UTRN: variants seen among roughly 807,000 people sequenced by gnomAD.
The protein encoded by UTRN is utrophin.
A neutral mutation model predicts 463.9 loss-of-function variants in UTRN; 283 were observed. That is an observed-to-expected ratio of 0.61 (90% confidence interval 0.55 to 0.67). The LOEUF is 0.67. UTRN is among the 30% of genes least tolerant of loss of function. The probability of loss-of-function intolerance (pLI) is 0.00; values close to 1 mark genes in which losing one functional copy is unlikely to be tolerated. For synonymous variants in UTRN, 1,442 were observed against 1,431.5 expected (o/e 1.01, Z -0.17); for missense variants, 3,922 against 4,084.3 (o/e 0.96, Z 1.08).
chr6:144,642,216 A>C (rs2128662002), intron 51 of UTRN, among the ~76,000 whole-genome samples: 1 of 152,318 alleles, frequency 6.6e-6, no homozygotes, highest in South Asian at 2.1e-4. Flanking sequence ...ATGAGCCAGC[A>C]AAATTAACAG....
chr6:144,454,190 G>T (rs1457362686), intron 19 of UTRN, among the ~76,000 whole-genome samples: 1 of 152,122 alleles, frequency 6.6e-6, no homozygotes, highest in Non-Finnish European at 1.5e-5. Flanking sequence ...TTGGGAATTT[G>T]TTTGCAGGGT....
chr6:144,392,848 C>T (rs1293110843), intron 2 of UTRN, among the ~76,000 whole-genome samples: 2 of 152,104 alleles, frequency 1.3e-5, no homozygotes, highest in African/African-American at 4.8e-5. Context: ...AAAGTCATAC[C>T]TCTCACTCTC....
At chr6:144,649,861 A>G (rs1344582733) in intron 51 of UTRN, among the ~76,000 whole-genome samples, 1 of 152,174 alleles carries the variant, frequency 6.6e-6, no homozygotes, top group Non-Finnish European at 1.5e-5. Context: ...AAATTCAGTT[A>G]GGTTTGTCAT....
intron 55 of UTRN, among the ~76,000 whole-genome samples, chr6:144,749,683 A>G (rs1475729116): frequency 2.0e-5 from 3 of 152,198 alleles, no homozygotes; most frequent in Non-Finnish European, 2.9e-5. Context: ...CCTCATTGCC[A>G]TATAACACCT....
At chr6:144,310,815 A>G (rs1278459366) in intron 2 of UTRN, among the ~76,000 whole-genome samples, 4 of 152,226 alleles carry the variant, frequency 2.6e-5, no homozygotes, top group Non-Finnish European at 5.9e-5. Flanking sequence ...ACAAGTGTGC[A>G]ATCCCTGAGA....
intron 51 of UTRN, among the ~76,000 whole-genome samples, chr6:144,618,912 A>G (rs976108986): frequency 6.6e-6 from 1 of 152,138 alleles, no homozygotes; most frequent in Admixed American, 6.6e-5. Context: ...GTATTTAACA[A>G]CTTTTATGTT....
In UTRN at chr6:144,725,522, A is replaced by G. The variant is rs536762112; in HGVS notation, c.7810-4835A>G. Among the ~76,000 whole-genome samples the G allele has an allele frequency of 4.6e-5, 7 of 152,356 alleles. No individual in the cohort carries two copies. In the South Asian group the frequency reaches 1.4e-3, roughly 32 times the overall value. On this transcript the variant is annotated intron_variant, in intron 53 of 74. Transcript: ENST00000367545. ...AAACTCATTAAAACAGAAAAATTCC[A>G]ATTATATTATGTTATATGCATTTAA...
chr6:144,436,158 T>C lies in UTRN; in HGVS notation c.1059+20T>C. 6.2e-7 allele frequency: 1 copy of C among 1,605,822 alleles called. No homozygotes were observed. The highest frequency in any genetic ancestry group is 8.5e-7 in the Non-Finnish European group (1 of 1,176,878). The stretch of plus-strand genomic sequence containing the variant: ...CATGAAGTAAATATCTGTAGTTTCT[T>C]AGCAGGGTGTGTCCCCCACGGGACC... On this transcript the variant is annotated intron_variant, in intron 10 of 74. Coordinates refer to ENST00000367545, the MANE Select transcript of UTRN (RefSeq NM_007124.3).
At chr6:144,477,916 C>CATCT (rs1397542236) in intron 25 of UTRN, among the ~76,000 whole-genome samples, 1 of 146,166 alleles carries the variant, frequency 6.8e-6, no homozygotes, top group African/African-American at 2.6e-5. Context: ...TCTATCCATC[C>CATCT]ATCCACATAC....
At position 144,493,213 on chromosome 6, in the gene UTRN, A is replaced by G. The variant is rs913427374; in HGVS notation, c.4438-88A>G. 4.3e-5 allele frequency: 57 copies of G among 1,331,480 alleles called. 1 individual carries two copies. The highest frequency in any genetic ancestry group is 5.9e-5 in the Non-Finnish European group (57 of 960,682). The allele number at this position is 1,331,480 out of a possible 1,614,324, so 82.5% of individuals were successfully genotyped here. A position where few individuals can be genotyped will look rare whatever the true frequency, so the allele number is the denominator to read the frequency against. On this transcript the variant is annotated intron_variant, in intron 32 of 74. Transcript: ENST00000367545. ...CACCATAGTTAGGTCTTGGCTGTCA[A>G]TCTGTGTAAGCTGTGGTCTGACATG...
At chr6:144,487,424 C>T in intron 28 of UTRN, 124 bp from the exon 29 acceptor site, 1 of 981,970 alleles carries the variant, frequency 1.0e-6, no homozygotes, top group South Asian at 3.3e-5. Flanking sequence ...ACTTTTGGTC[C>T]TGTTACTTAG....
At chr6:144,348,552 G>T (rs888977617) in intron 2 of UTRN, among the ~76,000 whole-genome samples, 11 of 152,296 alleles carry the variant, frequency 7.2e-5, no homozygotes, top group African/African-American at 2.4e-4. Context: ...TGAGTAGGTG[G>T]TTAGGAAGAC....
At chr6:144,791,230 C>T (rs910178967) in intron 62 of UTRN, among the ~76,000 whole-genome samples, 3 of 152,066 alleles carry the variant, frequency 2.0e-5, no homozygotes, top group South Asian at 2.1e-4. Flanking sequence ...ATGGCAGGGC[C>T]GCCATTCAAG....
At chr6:144,587,124 T>C (rs1015730289) in intron 51 of UTRN, among the ~76,000 whole-genome samples, 3 of 152,194 alleles carry the variant, frequency 2.0e-5, no homozygotes, top group African/African-American at 7.2e-5. Flanking sequence ...TTTTTCTCTA[T>C]GTGGTATACA....
intron 53 of UTRN, among the ~76,000 whole-genome samples, chr6:144,715,693 T>TCCCCCCCCCCC (rs10660006): frequency 3.1e-5 from 4 of 131,024 alleles, no homozygotes; most frequent in Admixed American, 7.8e-5. Context: ...CTCTCTCTCT[T>TCCCCCCCCCCC]CCCCCCCCAC....
chr6:144,692,704 G>C (rs1783560448), intron 52 of UTRN, among the ~76,000 whole-genome samples: 1 of 152,030 alleles, frequency 6.6e-6, no homozygotes, highest in East Asian at 1.9e-4. Flanking sequence ...CTTTTGAAAA[G>C]TGTCTGTTCA....
At chr6:144,560,991 T>C (rs1158100012) in intron 50 of UTRN, among the ~76,000 whole-genome samples, 6 of 151,612 alleles carry the variant, frequency 4.0e-5, no homozygotes, top group African/African-American at 1.5e-4. Flanking sequence ...CTGTCTCTAA[T>C]GTTTCTAACT....
chr6:144,485,418 TA>T lies in UTRN; in HGVS notation c.3722del (p.Tyr1241PhefsTer9). The T allele has an allele frequency of 6.2e-7, 1 of 1,614,174 alleles. No individual in the cohort carries two copies. Among genetic ancestry groups the T allele is most frequent in the Non-Finnish European group, 8.5e-7 (1 of 1,180,018 alleles). Reference sequence around the variant, plus strand: ...GTCTTGTTGGATTGAACTGCTTCACTATTTGGATCTTGAAACTACCTGGTTA... The same window carrying T: ...GTCTTGTTGGATTGAACTGCTTCACTTTTGGATCTTGAAACTACCTGGTTA... ...VWSCWIELLH[Y>X]LDLETTWLNT... On this transcript the variant is annotated frameshift_variant, in exon 28 of 75. Transcript: ENST00000367545. LOFTEE classifies it high-confidence loss of function.
intron 2 of UTRN, among the ~76,000 whole-genome samples, chr6:144,368,160 T>C (rs1779668356): frequency 1.3e-5 from 2 of 152,206 alleles, no homozygotes; most frequent in South Asian, 4.1e-4. Context: ...TCCCTTTTCA[T>C]GTCTCATAAA....
Sources: allele counts gnomAD v4.1 joint callset (sites outside exome capture counted in the v4.1 genomes callset), GRCh38; gene constraint gnomAD v4.1.1; transcripts MANE v1.5; gene names NCBI Gene and HGNC (gene_info 2026-07-23, HGNC 2026-07-21).